AHI1: variants seen among roughly 807,000 people sequenced by gnomAD.
AHI1 encodes jouberin.
Under a neutral mutation model 149.3 loss-of-function variants are expected in AHI1, and 123 were observed. The observed-to-expected ratio is 0.82, with a 90% CI of 0.71 to 0.96. The LOEUF is 0.96. Among genes scored for constraint, AHI1 ranks in the 40% least tolerant of loss-of-function variants. The pLI is 0.00. For synonymous variants in AHI1, 475 were observed against 459.8 expected, an observed-to-expected ratio of 1.03 and a Z score of -0.42; for missense variants, 1,439 against 1,422.7, an observed-to-expected ratio of 1.01 and a Z score of -0.18.
intron 26 of AHI1, among the ~76,000 whole-genome samples, chr6:135,314,149 C>T (rs1785601531): frequency 1.3e-5 from 2 of 152,166 alleles, no homozygotes; most frequent in African/African-American, 4.8e-5. Context: ...GTCTGTGTAA[C>T]CCCCAAATTC....
intron 13 of AHI1, among the ~76,000 whole-genome samples, chr6:135,445,785 G>A (rs893097341): frequency 3.9e-5 from 6 of 152,044 alleles, no homozygotes; most frequent in African/African-American, 7.2e-5. Flanking sequence ...GGCCGGGCAC[G>A]GTGGCTCACG....
At chr6:135,338,060 G>A (rs941119812) in intron 24 of AHI1, among the ~76,000 whole-genome samples, 10 of 152,220 alleles carry the variant, frequency 6.6e-5, no homozygotes, top group African/African-American at 2.4e-4. Flanking sequence ...CACTTTCGGA[G>A]GCCGAGGTGG....
chr6:135,376,166 A>G (rs1260448374), intron 23 of AHI1, among the ~76,000 whole-genome samples: 1 of 152,144 alleles, frequency 6.6e-6, no homozygotes, highest in Non-Finnish European at 1.5e-5. Flanking sequence ...TAACAGCACT[A>G]GAAAACACCA....
intron 23 of AHI1, among the ~76,000 whole-genome samples, chr6:135,366,624 T>C (rs1774222916): frequency 6.6e-6 from 1 of 152,228 alleles, no homozygotes; most frequent in Non-Finnish European, 1.5e-5. Flanking sequence ...TGTGGTTTGG[T>C]TGTAATATCC....
At chr6:135,366,110 G>A (rs1298024609) in intron 23 of AHI1, among the ~76,000 whole-genome samples, 5 of 152,060 alleles carry the variant, frequency 3.3e-5, no homozygotes, top group Non-Finnish European at 7.4e-5. Flanking sequence ...CACACTTATT[G>A]ACTTGCATAT....
chr6:135,356,377 AC>A (rs1341282720), intron 24 of AHI1, among the ~76,000 whole-genome samples: 1 of 152,268 alleles, frequency 6.6e-6, no homozygotes, highest in Non-Finnish European at 1.5e-5. Context: ...AGATAAAATT[AC>A]ATTTCTGTGA....
chr6:135,423,767 T>C (rs926980042), intron 20 of AHI1, among the ~76,000 whole-genome samples: 2 of 152,028 alleles, frequency 1.3e-5, no homozygotes, highest in African/African-American at 4.8e-5. Context: ...TGAACCAGAG[T>C]TGATACTCTG....
intron 26 of AHI1, 189 bp downstream of exon 26, chr6:135,318,329 CT>C: frequency 1.9e-6 from 1 of 531,080 alleles, no homozygotes; most frequent in South Asian, 2.4e-5. Flanking sequence ...CTCTCTGGGC[CT>C]CCTCAGTTTC....
rs909614821 is a variant in AHI1, at chr6:135,283,765, G to C, written c.*1880C>G. The C allele has an allele frequency of 2.0e-5, 3 of 152,118 alleles. No homozygotes were observed. Among genetic ancestry groups the C allele is most frequent in the Non-Finnish European group, 2.9e-5 (2 of 68,024 alleles). 9.4% of individuals were successfully genotyped at this position (152,118 alleles called of 1,614,324 possible). On this transcript the variant is annotated 3_prime_UTR_variant, in exon 29 of 29. Transcript: ENST00000265602. The stretch of plus-strand genomic sequence containing the variant: ...GGGGAAAAGGACTGGGCTTTCAGTA[G>C]AGCCAAATTTTCCTGGTGTTTGCTT...
At chr6:135,459,730 C>G (rs1789562946) in intron 8 of AHI1, among the ~76,000 whole-genome samples, 2 of 114,062 alleles carry the variant, frequency 1.8e-5, no homozygotes, top group Non-Finnish European at 3.7e-5. Context: ...TATCAAATAG[C>G]TGACAGAAGT....
At chr6:135,469,222 C>G (rs183780892) in intron 5 of AHI1, among the ~76,000 whole-genome samples, 4 of 152,270 alleles carry the variant, frequency 2.6e-5, no homozygotes, top group Admixed American at 2.0e-4. Flanking sequence ...AATCAATAAA[C>G]ATAATTCATC....
chr6:135,318,061 AT>A (rs1444014089), intron 26 of AHI1, among the ~76,000 whole-genome samples: 5 of 152,232 alleles, frequency 3.3e-5, no homozygotes, highest in African/African-American at 1.2e-4. Flanking sequence ...CTGGTAATAC[AT>A]CCACATTCAT....
intron 24 of AHI1, among the ~76,000 whole-genome samples, chr6:135,353,005 T>G (rs1792395583): frequency 6.6e-6 from 1 of 151,794 alleles, no homozygotes; most frequent in Admixed American, 6.6e-5. Context: ...GTAGAAAAAT[T>G]TAGCAAAACC....
intron 23 of AHI1, among the ~76,000 whole-genome samples, chr6:135,372,429 G>A (rs1178072188): frequency 1.3e-5 from 2 of 151,840 alleles, no homozygotes; most frequent in East Asian, 3.9e-4. Context: ...TCCAGCACTT[G>A]GGGAGGCTGA....
intron 24 of AHI1, among the ~76,000 whole-genome samples, chr6:135,327,522 T>C (rs1582603491): frequency 6.6e-6 from 1 of 152,210 alleles, no homozygotes; most frequent in African/African-American, 2.4e-5. Context: ...ATATGTATTA[T>C]GTTTCTGTTT....
intron 23 of AHI1, among the ~76,000 whole-genome samples, chr6:135,383,216 T>TC (rs71547030): frequency 8.5e-6 from 1 of 118,206 alleles, no homozygotes; most frequent in Non-Finnish European, 1.7e-5. Context: ...ATTCCTTCCT[T>TC]CCCCCCTCCC....
At chr6:135,288,704 C>G (rs532217905) in intron 28 of AHI1, among the ~76,000 whole-genome samples, 10 of 151,676 alleles carry the variant, frequency 6.6e-5, no homozygotes, top group African/African-American at 2.4e-4. Context: ...TTTAATCAAC[C>G]CTTTATTTTA....
intron 23 of AHI1, among the ~76,000 whole-genome samples, chr6:135,389,280 G>C (rs1168723797): frequency 7.0e-6 from 1 of 142,570 alleles, no homozygotes. Flanking sequence ...CACTGCACCA[G>C]CCTGGGTGAC....
At chr6:135,481,544 C>G (rs1392457456) in intron 5 of AHI1, among the ~76,000 whole-genome samples, 1 of 151,974 alleles carries the variant, frequency 6.6e-6, no homozygotes, top group East Asian at 1.9e-4. Flanking sequence ...GGACACTCAA[C>G]GTTTATTATA....
Sources: allele counts gnomAD v4.1 joint callset (sites outside exome capture counted in the v4.1 genomes callset), GRCh38; gene constraint gnomAD v4.1.1; transcripts MANE v1.5; gene names NCBI Gene and HGNC (gene_info 2026-07-23, HGNC 2026-07-21).